The following NDUFAF6 variants were observed in gnomAD, a reference collection of about 807,000 sequenced individuals.
NDUFAF6 encodes NADH:ubiquinone oxidoreductase complex assembly factor 6.
Under a neutral mutation model 40.8 loss-of-function variants are expected in NDUFAF6, and 45 were observed. That is an observed-to-expected ratio of 1.10 (90% CI 0.87 to 1.42). The LOEUF (loss-of-function observed/expected upper bound fraction) is 1.42. Ranked by LOEUF, NDUFAF6 falls within the 40% of genes most tolerant of loss-of-function variation. NDUFAF6 has a pLI of 0.00. For missense variants in NDUFAF6, 435 were observed against 418.5 expected (o/e 1.04, Z -0.34); for synonymous variants, 185 against 155.9 (o/e 1.19, Z -1.39).
At chr8:94,899,141 C>T (rs924481002) in intron 1 of NDUFAF6, among the ~76,000 whole-genome samples, 10 of 152,330 alleles carry the variant, frequency 6.6e-5, no homozygotes, top group Middle Eastern at 3.4e-3. Context: ...TTAAATCAAC[C>T]GCCCGCCTCG....
intron 1 of NDUFAF6, among the ~76,000 whole-genome samples, chr8:94,931,587 TACACACACAC>T (rs557721378): frequency 1.5e-5 from 1 of 68,532 alleles, no homozygotes; most frequent in Admixed American, 1.9e-4. Context: ...ACATATTTAT[TACACACACAC>T]ACACACACAC....
downstream of NDUFAF6, among the ~76,000 whole-genome samples, chr8:95,106,081 C>T (rs111764040): frequency 6.6e-6 from 1 of 152,010 alleles, no homozygotes; most frequent in African/African-American, 2.4e-5. Flanking sequence ...CAAGACCATC[C>T]TGGCTAACAT....
At chr8:95,007,609 A>T (rs1469455531) in intron 2 of NDUFAF6, among the ~76,000 whole-genome samples, 1 of 144,286 alleles carries the variant, frequency 6.9e-6, no homozygotes, top group Non-Finnish European at 1.5e-5. Context: ...GGCTATAGTG[A>T]GCCATGACCA....
chr8:94,901,013 A>G (rs956783341), intron 1 of NDUFAF6, among the ~76,000 whole-genome samples: 1 of 152,184 alleles, frequency 6.6e-6, no homozygotes, highest in African/African-American at 2.4e-5. Context: ...AACTAAGATG[A>G]AAAATAAGAG....
At chr8:94,916,199 C>T (rs1449337879) in intron 1 of NDUFAF6, among the ~76,000 whole-genome samples, 1 of 152,160 alleles carries the variant, frequency 6.6e-6, no homozygotes, top group Admixed American at 6.5e-5. Flanking sequence ...TTCTTACAGC[C>T]TGATGCAATA....
chr8:95,098,032 C>T (rs951222152), upstream of NDUFAF6, among the ~76,000 whole-genome samples: 1 of 151,922 alleles, frequency 6.6e-6, no homozygotes, highest in Admixed American at 6.6e-5. Context: ...TTTTCTACAG[C>T]TCCTCATTTG....
At chr8:94,898,852 A>G (rs746069965) in intron 1 of NDUFAF6, among the ~76,000 whole-genome samples, 15 of 152,226 alleles carry the variant, frequency 9.9e-5, no homozygotes, top group Non-Finnish European at 1.9e-4. Context: ...ATTCAATAAT[A>G]CTTTATCTTG....
chr8:95,118,272 C>A (rs948870307), downstream of NDUFAF6, among the ~76,000 whole-genome samples: 18 of 152,228 alleles, frequency 1.2e-4, no homozygotes, highest in African/African-American at 3.4e-4. Flanking sequence ...TTACAAGCTA[C>A]CCCTGGATGT....
intron 2 of NDUFAF6, chr8:94,949,381 C>T (rs1260038237): frequency 6.6e-6 from 1 of 151,156 alleles, no homozygotes; most frequent in East Asian, 1.9e-4. Context: ...CTCGCAACAG[C>T]TGATCGGCCG....
chr8:94,900,432 G>T (rs1817941509), intron 1 of NDUFAF6, among the ~76,000 whole-genome samples: 1 of 152,130 alleles, frequency 6.6e-6, no homozygotes, highest in Admixed American at 6.5e-5. Context: ...TGAGCCTCTG[G>T]CTCTGCCAGT....
chr8:95,053,342 G>C (rs1202031073), intron 8 of NDUFAF6, among the ~76,000 whole-genome samples: 1 of 152,042 alleles, frequency 6.6e-6, no homozygotes, highest in Non-Finnish European at 1.5e-5. Context: ...CATGTATTTT[G>C]TGTATGTCAA....
intron 1 of NDUFAF6, among the ~76,000 whole-genome samples, chr8:94,970,558 TC>T (rs1299655911): frequency 1.3e-5 from 2 of 151,964 alleles, no homozygotes; most frequent in African/African-American, 4.8e-5. Context: ...GCCATTGCAC[TC>T]CCGCCTGGGT....
chr8:95,005,526 A>AATATATATATATATTTAT (rs1554657789), intron 2 of NDUFAF6, among the ~76,000 whole-genome samples: 1 of 7,278 alleles, frequency 1.4e-4, no homozygotes, highest in African/African-American at 7.4e-4. Context: ...GGTCCTTTTA[A>AATATATATATATATTTAT]ATATATATAT....
intron 1 of NDUFAF6, among the ~76,000 whole-genome samples, chr8:94,939,078 C>T (rs1821271198): frequency 6.6e-6 from 1 of 152,190 alleles, no homozygotes; most frequent in Non-Finnish European, 1.5e-5. Flanking sequence ...CATCTGGTGT[C>T]AGAAGCACTG....
chr8:94,941,646 A>G (rs1821546599), intron 1 of NDUFAF6, among the ~76,000 whole-genome samples: 1 of 152,224 alleles, frequency 6.6e-6, no homozygotes, highest in Non-Finnish European at 1.5e-5. Flanking sequence ...TTTACACTGT[A>G]GGAAACTGAG....
downstream of NDUFAF6, among the ~76,000 whole-genome samples, chr8:95,060,603 T>G (rs1347973819): frequency 6.6e-6 from 1 of 152,252 alleles, no homozygotes; most frequent in African/African-American, 2.4e-5. Context: ...ACTCTCATAG[T>G]GAAGTAGGCC....
At chr8:94,900,932 C>T (rs1023650471) in intron 1 of NDUFAF6, among the ~76,000 whole-genome samples, 5 of 151,924 alleles carry the variant, frequency 3.3e-5, no homozygotes, top group African/African-American at 1.2e-4. Flanking sequence ...CAATTCCTGC[C>T]CCTTAGATCT....
At chr8:94,973,447 G>A (rs935831516) in intron 1 of NDUFAF6, among the ~76,000 whole-genome samples, 3 of 152,096 alleles carry the variant, frequency 2.0e-5, no homozygotes, top group Non-Finnish European at 4.4e-5. Context: ...GGTGGCTCAC[G>A]CCTGTAATCC....
At chr8:94,896,614 G>C (rs953926565) in intron 1 of NDUFAF6, 1 of 152,062 alleles carries the variant, frequency 6.6e-6, no homozygotes, top group Non-Finnish European at 1.5e-5. Flanking sequence ...GGCGGGCCGC[G>C]TCTGCCCAGG....
Sources: allele counts gnomAD v4.1 joint callset (sites outside exome capture counted in the v4.1 genomes callset), GRCh38; gene constraint gnomAD v4.1.1; transcripts MANE v1.5; gene names NCBI Gene and HGNC (gene_info 2026-07-23, HGNC 2026-07-21).